The following SVBP variants were observed in gnomAD, a reference collection of about 807,000 sequenced individuals.
SVBP encodes the protein small vasohibin binding protein.
A neutral mutation model predicts 9.2 loss-of-function variants in SVBP; 9 were observed. The ratio of observed to expected loss-of-function variants is 0.98; its 90% confidence interval spans 0.59 to 1.71. SVBP has a LOEUF of 1.71. Among genes scored for constraint, SVBP ranks in the 40% most tolerant of loss-of-function variants. SVBP has a pLI of 0.00. For missense variants in SVBP, 63 were observed against 73.2 expected (o/e 0.86, Z 0.51); for synonymous variants, 27 against 23.9 (o/e 1.13, Z -0.37).
At position 42,807,447 on chromosome 1, in the gene SVBP, C is replaced by T; in HGVS notation, c.168G>A (p.Glu56=). ...MTELEQQQFD[E]FCKQMQPPGE ...CAGGAGGCTGCATCTGTTTACAGAACTCATCAAACTGCTGCTGCTCCAGTT... is the reference window on the plus strand; with the variant it reads ...CAGGAGGCTGCATCTGTTTACAGAATTCATCAAACTGCTGCTGCTCCAGTT... Residue 56 remains glutamate, a synonymous_variant, in exon 3 of 3, where the codon GAG becomes GAA. Coordinates refer to ENST00000372521, the MANE Select transcript of SVBP (RefSeq NM_199342.4). 2 of 1,614,016 alleles carry T rather than the reference C, an allele frequency of 1.2e-6. No individual in the cohort carries two copies. The highest frequency in any genetic ancestry group is 1.7e-6 in the Non-Finnish European group (2 of 1,179,930).
chr1:42,809,709 C>T (rs1020738062), intron 2 of SVBP, among the ~76,000 whole-genome samples: 2 of 152,098 alleles, frequency 1.3e-5, no homozygotes, highest in African/African-American at 4.8e-5. Flanking sequence ...ACTAACACTA[C>T]CGCAAATGAT....
At chr1:42,814,790 C>T (rs1286171771) in intron 2 of SVBP, among the ~76,000 whole-genome samples, 1 of 152,146 alleles carries the variant, frequency 6.6e-6, no homozygotes, top group Non-Finnish European at 1.5e-5. Context: ...CTAGTTCAAC[C>T]ATTATGGAAG....
chr1:42,808,473 GTATATATAC>G (rs888603099), intron 2 of SVBP, among the ~76,000 whole-genome samples: 22 of 144,144 alleles, frequency 1.5e-4, no homozygotes, highest in Non-Finnish European at 2.6e-4. Context: ...TACTAATAGT[GTATATATAC>G]TATATATAGT....
At chr1:42,815,478 CAGAA>C (rs1654180269) in intron 2 of SVBP, among the ~76,000 whole-genome samples, 1 of 150,654 alleles carries the variant, frequency 6.6e-6, no homozygotes, top group Non-Finnish European at 1.5e-5. Context: ...AAATAACCTA[CAGAA>C]ATTCTAAGGC....
rs1570517506 is a variant in SVBP, at chr1:42,813,631, A to G, written c.114+2800T>C. 7.6e-6 allele frequency: 4 copies of G among 529,746 alleles called. No individual in the cohort carries two copies. In the Admixed American group the frequency reaches 7.8e-5, roughly 10 times the overall value. The allele number at this position is 529,746 out of a possible 1,614,324, so 32.8% of individuals were successfully genotyped here. On this transcript the variant is annotated intron_variant, in intron 2 of 2. Coordinates refer to ENST00000372521, the MANE Select transcript of SVBP (RefSeq NM_199342.4). ...CTTTTGATTGGTGTGAGGTAACCAC[A>G]TATGGGCTGGCAACTGGTTCTCCAT...
chr1:42,809,580 T>G (rs1654035486), intron 2 of SVBP, among the ~76,000 whole-genome samples: 1 of 152,170 alleles, frequency 6.6e-6, no homozygotes, highest in African/African-American at 2.4e-5. Context: ...CCAACACATT[T>G]GACAACCTAA....
At chr1:42,816,406 T>C (rs1436283220) in intron 2 of SVBP, 25 bp downstream of exon 2, 1 of 1,500,156 alleles carries the variant, frequency 6.7e-7, no homozygotes, top group South Asian at 1.1e-5. Flanking sequence ...ACTACAGGCA[T>C]ACAGAGCCTC....
chr1:42,812,983 T>A (rs1214589530), intron 2 of SVBP, among the ~76,000 whole-genome samples: 1 of 152,240 alleles, frequency 6.6e-6, no homozygotes, highest in Non-Finnish European at 1.5e-5. Context: ...TTTTGCCAAT[T>A]TTAAGCTGTT....
rs149608245 is a variant in SVBP at position 42,808,134 on chromosome 1, AGTGT to A, written c.115-638_115-635del. On this transcript the variant is annotated intron_variant, in intron 2 of 2. Transcript: ENST00000372521. ...GTGTGCAGGGGAGCAATGTGAATAT[AGTGT>A]GTGTGTGTGTGTATATATATATATA... Among the ~76,000 whole-genome samples the A allele has an allele frequency of 9.9e-3, 1,078 of 108,638 alleles. 13 individuals carry two copies. Among genetic ancestry groups the A allele is most frequent in the Middle Eastern group, 0.03 (6 of 200 alleles). 71.3% of individuals were successfully genotyped at this position (108,638 alleles called of 152,430 possible).
At chr1:42,812,173 CAT>C (rs1001518112) in intron 2 of SVBP, among the ~76,000 whole-genome samples, 7 of 152,096 alleles carry the variant, frequency 4.6e-5, no homozygotes, top group Non-Finnish European at 7.4e-5. Context: ...CACATAAAAA[CAT>C]GTGTCCTCTC....
intron 2 of SVBP, chr1:42,816,144 C>T: frequency 3.0e-6 from 1 of 329,938 alleles, no homozygotes. Flanking sequence ...TCATTCTGAC[C>T]CCTTCTTTCC....
At chr1:42,814,523 G>A (rs1317038436) in intron 2 of SVBP, among the ~76,000 whole-genome samples, 1 of 152,048 alleles carries the variant, frequency 6.6e-6, no homozygotes. Context: ...GGCCGAGGCA[G>A]GAGAATTGCT....
chr1:42,817,092 G>A (rs1357820950), intron 1 of SVBP, 98 bp downstream of exon 1: 2 of 174,304 alleles, frequency 1.1e-5, no homozygotes, highest in Non-Finnish European at 1.8e-5. Flanking sequence ...CGGCCCGCCC[G>A]GCCCCAGGGG....
At chr1:42,812,787 C>A (rs949295171) in intron 2 of SVBP, among the ~76,000 whole-genome samples, 1 of 152,246 alleles carries the variant, frequency 6.6e-6, no homozygotes, top group African/African-American at 2.4e-5. Flanking sequence ...GCTGGGTTTG[C>A]AGAATGTCCA....
chr1:42,816,479 G>C lies in SVBP; in HGVS notation c.66C>G (p.Ala22=). ...GCTCCTGCTGGGCTGATTTCTGTTT[G>C]GCCTTCTCAACTCTGCTGACAGATT... ...VKESVSRVEK[A]KQKSAQQELK... The change falls in exon 2 of 3, where the codon GCC becomes GCG. Residue 22 remains alanine (A), a synonymous_variant. Transcript: ENST00000372521. The C allele has an allele frequency of 6.2e-7, 1 of 1,614,024 alleles. No homozygotes were observed.
At chr1:42,810,137 CACACACACACACACACATAT>C (rs1654050750) in intron 2 of SVBP, among the ~76,000 whole-genome samples, 1 of 149,996 alleles carries the variant, frequency 6.7e-6, no homozygotes, top group African/African-American at 2.5e-5. Flanking sequence ...CACACACACA[CACACACACACACACACATAT>C]ATTTTTTTTG....
chr1:42,809,632 C>T (rs569177486), intron 2 of SVBP, among the ~76,000 whole-genome samples: 2 of 152,112 alleles, frequency 1.3e-5, no homozygotes, highest in African/African-American at 2.4e-5. Context: ...TCCAAACTGA[C>T]TAGAAAGCTT....
At position 42,807,504 on chromosome 1, in the gene SVBP, A is replaced by C. The variant is rs1309663850; in HGVS notation, c.115-4T>G. 1 of 1,609,672 alleles carries C rather than the reference A, an allele frequency of 6.2e-7. No homozygotes were observed. The highest frequency in any genetic ancestry group is 8.5e-7 in the Non-Finnish European group (1 of 1,176,164). On this transcript the variant is annotated splice_region_variant and splice_polypyrimidine_tract_variant and intron_variant, in intron 2 of 2. Coordinates refer to ENST00000372521, the MANE Select transcript of SVBP (RefSeq NM_199342.4). ...TGACTCTGTTGAGGGCATAGATCTGAATGAGAGAAAGAGATACATCTGTTA... is the reference window on the plus strand; with the variant it reads ...TGACTCTGTTGAGGGCATAGATCTGCATGAGAGAAAGAGATACATCTGTTA...
Position 42,807,141 on chromosome 1 carries a change from T to C in SVBP, c.*273A>G. The C allele has an allele frequency of 3.7e-6, 1 of 273,770 alleles. No individual in the cohort carries two copies. Among genetic ancestry groups the C allele is most frequent in the Non-Finnish European group, 6.5e-6 (1 of 154,424 alleles). The allele number at this position is 273,770 out of a possible 1,614,324, so 17.0% of individuals were successfully genotyped here. On this transcript the variant is annotated 3_prime_UTR_variant, in exon 3 of 3. Transcript: ENST00000372521. ...TTTTTCTCAAACAATAGAAAAAGTG[T>C]TTTTTGTGTGTGTTTTTTTTTTTTT...
Sources: gnomAD v4.1 joint callset for allele counts (sites outside exome capture counted in the v4.1 genomes callset) on GRCh38, gnomAD v4.1.1 for gene constraint, MANE v1.5 for transcripts, NCBI Gene and HGNC (gene_info 2026-07-23, HGNC 2026-07-21) for gene names.